ATXN1: variants seen among roughly 807,000 people sequenced by gnomAD.
ATXN1 encodes the protein ataxin 1, also known as ataxin-1.
ATXN1 carries 8 observed loss-of-function variants against 56.4 expected under a neutral mutation model. The ratio of observed to expected loss-of-function variants is 0.14; its 90% confidence interval spans 0.08 to 0.26. ATXN1 has a LOEUF of 0.26. Among genes scored for constraint, ATXN1 ranks in the 10% least tolerant of loss-of-function variants. ATXN1 has a pLI of 1.00. For synonymous variants in ATXN1, 514 were observed against 494.6 expected (o/e 1.04, Z -0.52); for missense variants, 987 against 1,106.5 (o/e 0.89, Z 1.53).
intron 6 of ATXN1, among the ~76,000 whole-genome samples, chr6:16,390,591 C>T (rs562442240): frequency 7.2e-5 from 11 of 151,862 alleles, no homozygotes; most frequent in South Asian, 4.2e-4. Context: ...CTATCTCTAG[C>T]GTCATATCTC....
Position 16,634,516 on chromosome 6 carries a change from A to T in ATXN1, c.-489+23260T>A, listed in dbSNP as rs1763559676. ...CACTGTTTTGTAAAACCAACATCAC[A>T]ATCTAATTTTAGATTTTCTTCTCCA... is the stretch of plus-strand genomic sequence containing the variant. On this transcript the variant is annotated intron_variant, in intron 3 of 7. Coordinates refer to ENST00000436367, the MANE Select transcript of ATXN1 (RefSeq NM_001128164.2). Among the ~76,000 whole-genome samples, 3 of 152,198 alleles carry T rather than the reference A, an allele frequency of 2.0e-5. No individual in the cohort carries two copies. In the South Asian group the frequency reaches 6.2e-4, roughly 31 times the overall value.
chr6:16,385,264 G>A (rs1281585933), intron 6 of ATXN1, among the ~76,000 whole-genome samples: 1 of 152,190 alleles, frequency 6.6e-6, no homozygotes, highest in Non-Finnish European at 1.5e-5. Context: ...AATCTCAGAA[G>A]GGTTAGGCAG....
intron 6 of ATXN1, among the ~76,000 whole-genome samples, chr6:16,335,482 A>C (rs1178298837): frequency 6.6e-6 from 1 of 152,236 alleles, no homozygotes; most frequent in East Asian, 1.9e-4. Flanking sequence ...TGAGAAGAGA[A>C]AAAGCAAGAA....
chr6:16,596,696 C>G (rs1335760598), intron 3 of ATXN1, among the ~76,000 whole-genome samples: 1 of 152,210 alleles, frequency 6.6e-6, no homozygotes, highest in Non-Finnish European at 1.5e-5. Flanking sequence ...GAAATGAGGT[C>G]AGAATCCACT....
intron 6 of ATXN1, among the ~76,000 whole-genome samples, chr6:16,458,337 C>G (rs1402424602): frequency 6.6e-6 from 1 of 152,184 alleles, no homozygotes; most frequent in East Asian, 1.9e-4. Flanking sequence ...TCCACCATAA[C>G]TCAGGGAAAG....
chr6:16,343,584 G>A (rs1444967444), intron 6 of ATXN1, among the ~76,000 whole-genome samples: 4 of 152,144 alleles, frequency 2.6e-5, no homozygotes, highest in Non-Finnish European at 5.9e-5. Context: ...AAGTGAGGCA[G>A]CAGTATCTTA....
intron 7 of ATXN1, among the ~76,000 whole-genome samples, chr6:16,320,508 A>C (rs770523799): frequency 6.6e-6 from 1 of 152,144 alleles, no homozygotes; most frequent in African/African-American, 2.4e-5. Context: ...ACATTTTACA[A>C]CTCCACTGAG....
At chr6:16,702,104 T>C (rs60573597) in intron 2 of ATXN1, among the ~76,000 whole-genome samples, 26,625 of 151,116 alleles carry the variant, frequency 0.18, 3,176 homozygotes, top group African/African-American at 0.34. Flanking sequence ...GCTACAGTAA[T>C]CAAAACAGCA....
intron 3 of ATXN1, among the ~76,000 whole-genome samples, chr6:16,606,701 TG>T (rs1763012438): frequency 6.6e-6 from 1 of 150,866 alleles, no homozygotes; most frequent in Admixed American, 6.6e-5. Context: ...GCTAATTTTT[TG>T]TATTTTTAGT....
At chr6:16,472,375 C>T (rs1242510701) in intron 6 of ATXN1, among the ~76,000 whole-genome samples, 1 of 152,172 alleles carries the variant, frequency 6.6e-6, no homozygotes, top group Non-Finnish European at 1.5e-5. Context: ...GAGCTCATCC[C>T]TTCTTCTGGC....
chr6:16,518,062 C>A (rs1420517928), intron 5 of ATXN1, among the ~76,000 whole-genome samples: 1 of 152,192 alleles, frequency 6.6e-6, no homozygotes. Context: ...TGAGCTAATT[C>A]TAATAGAGGA....
intron 6 of ATXN1, among the ~76,000 whole-genome samples, chr6:16,347,761 C>T (rs1761450825): frequency 6.6e-6 from 1 of 152,196 alleles, no homozygotes; most frequent in South Asian, 2.1e-4. Flanking sequence ...ACTGGGCTCT[C>T]TGTAAAATGG....
At chr6:16,606,758 G>A (rs1222635287) in intron 3 of ATXN1, among the ~76,000 whole-genome samples, 1 of 151,760 alleles carries the variant, frequency 6.6e-6, no homozygotes, top group African/African-American at 2.4e-5. Flanking sequence ...TTGATCTCCT[G>A]ACCTCGTGAT....
intron 6 of ATXN1, among the ~76,000 whole-genome samples, chr6:16,443,503 C>T (rs1228154213): frequency 6.6e-6 from 1 of 152,110 alleles, no homozygotes; most frequent in East Asian, 1.9e-4. Context: ...TGTAACTATT[C>T]CAAATGACCC....
At chr6:16,473,764 G>T (rs577804257) in intron 6 of ATXN1, among the ~76,000 whole-genome samples, 1 of 152,230 alleles carries the variant, frequency 6.6e-6, no homozygotes, top group Admixed American at 6.5e-5. Flanking sequence ...TGTCTTTTCT[G>T]CTCTACCTTG....
At chr6:16,651,995 C>T (rs1763903204) in intron 3 of ATXN1, 2 of 152,242 alleles carry the variant, frequency 1.3e-5, no homozygotes, top group South Asian at 4.1e-4. Context: ...CCATGTAAAT[C>T]AGCATCTGTT....
intron 3 of ATXN1, among the ~76,000 whole-genome samples, chr6:16,633,289 C>T (rs1763538296): frequency 6.6e-6 from 1 of 152,106 alleles, no homozygotes; most frequent in African/African-American, 2.4e-5. Flanking sequence ...AGATTATAAA[C>T]AAGGTAATTA....
At position 16,693,033 on chromosome 6, in the gene ATXN1, C is replaced by T. The variant is rs75852370; in HGVS notation, c.-614-35132G>A. Among the ~76,000 whole-genome samples the T allele has an allele frequency of 3.4e-3, 515 of 152,220 alleles. 4 individuals are homozygous for T. The highest frequency in any genetic ancestry group is 0.014 in the South Asian group (66 of 4,812). ...AAGCTCTAAGTTCAGATTTCAGCTCCGCCACTCACTAGTGCATGCCCTAAC... is the reference window on the plus strand; with the variant it reads ...AAGCTCTAAGTTCAGATTTCAGCTCTGCCACTCACTAGTGCATGCCCTAAC... On this transcript the variant is annotated intron_variant, in intron 2 of 7. Coordinates refer to ENST00000436367, the MANE Select transcript of ATXN1 (RefSeq NM_001128164.2).
chr6:16,376,173 T>G (rs1224561107), intron 6 of ATXN1, among the ~76,000 whole-genome samples: 2 of 152,200 alleles, frequency 1.3e-5, no homozygotes, highest in Non-Finnish European at 2.9e-5. Flanking sequence ...TAGGAAGAAC[T>G]CTCCTGGCAA....
Sources: gnomAD v4.1 joint callset for allele counts (sites outside exome capture counted in the v4.1 genomes callset) on GRCh38, gnomAD v4.1.1 for gene constraint, MANE v1.5 for transcripts, NCBI Gene and HGNC (gene_info 2026-07-23, HGNC 2026-07-21) for gene names.